Variants in C1orf21 observed in about 807,000 individuals in gnomAD.
C1orf21 encodes chromosome 1 open reading frame 21.
C1orf21 carries 3 observed loss-of-function variants against 18.7 expected under a neutral mutation model. The ratio of observed to expected loss-of-function variants is 0.16; its 90% CI spans 0.07 to 0.42. C1orf21 has a LOEUF of 0.42. Among genes scored for constraint, C1orf21 ranks in the 10% least tolerant of loss-of-function variants. The pLI is 0.99. For missense variants in C1orf21, 104 were observed against 143.6 expected (o/e 0.72, Z 1.41); for synonymous variants, 41 against 46.4 (o/e 0.88, Z 0.47).
chr1:184,591,883 G>T (rs186774769), intron 4 of C1orf21, among the ~76,000 whole-genome samples: 58 of 152,130 alleles, frequency 3.8e-4, no homozygotes, highest in African/African-American at 1.3e-3. Context: ...ATACATCAGT[G>T]AAAATTAGTG....
At chr1:184,571,645 T>C (rs1468443800) in intron 3 of C1orf21, among the ~76,000 whole-genome samples, 5 of 152,170 alleles carry the variant, frequency 3.3e-5, no homozygotes, top group Non-Finnish European at 5.9e-5. Flanking sequence ...CTGTTTATCA[T>C]CTATGGCCAT....
intron 1 of C1orf21, among the ~76,000 whole-genome samples, chr1:184,421,475 A>G (rs1656546690): frequency 6.6e-6 from 1 of 152,240 alleles, no homozygotes; most frequent in Non-Finnish European, 1.5e-5. Flanking sequence ...AGGCTTTAAA[A>G]CAAAACAACA....
chr1:184,505,306 AATATATATATATATATATATAT>A (rs59445875), intron 2 of C1orf21, among the ~76,000 whole-genome samples: 3 of 66,776 alleles, frequency 4.5e-5, no homozygotes, highest in Admixed American at 3.9e-4. Flanking sequence ...TACATAAAGA[AATATATATATATATATATATAT>A]ATATATATAT....
At chr1:184,543,527 A>G (rs188074959) in intron 3 of C1orf21, among the ~76,000 whole-genome samples, 197 of 152,194 alleles carry the variant, frequency 1.3e-3, no homozygotes, top group African/African-American at 4.5e-3. Flanking sequence ...ATCTAAAACT[A>G]TTTGTCTTGG....
At chr1:184,485,119 T>G (rs944287634) in intron 2 of C1orf21, among the ~76,000 whole-genome samples, 7 of 152,210 alleles carry the variant, frequency 4.6e-5, no homozygotes, top group African/African-American at 1.7e-4. Context: ...TACCTGTGTT[T>G]GTGGACAGTA....
chr1:184,596,675 G>C (rs1659517819), intron 4 of C1orf21, among the ~76,000 whole-genome samples: 2 of 152,220 alleles, frequency 1.3e-5, no homozygotes, highest in African/African-American at 4.8e-5. Flanking sequence ...TTCAAGACTA[G>C]CCTGGCCAAC....
chr1:184,528,632 A>G (rs1658413248), intron 3 of C1orf21, among the ~76,000 whole-genome samples: 1 of 152,082 alleles, frequency 6.6e-6, no homozygotes, highest in African/African-American at 2.4e-5. Context: ...TTTAGTAGAG[A>G]CAAGGTTTCA....
chr1:184,476,010 A>G (rs913925066), intron 1 of C1orf21, among the ~76,000 whole-genome samples: 1 of 152,208 alleles, frequency 6.6e-6, no homozygotes, highest in African/African-American at 2.4e-5. Context: ...GTCATTGTCA[A>G]TATTTATGGC....
At chr1:184,408,626 T>C (rs1325026083) in intron 1 of C1orf21, among the ~76,000 whole-genome samples, 2 of 152,208 alleles carry the variant, frequency 1.3e-5, no homozygotes, top group African/African-American at 4.8e-5. Context: ...GCCTGGAGCT[T>C]TGTTTGCTAA....
intron 1 of C1orf21, among the ~76,000 whole-genome samples, chr1:184,450,657 T>G (rs1314222453): frequency 6.6e-6 from 1 of 152,186 alleles, no homozygotes; most frequent in African/African-American, 2.4e-5. Flanking sequence ...AATTGCCTCT[T>G]TTGCTTTAAC....
intron 3 of C1orf21, among the ~76,000 whole-genome samples, chr1:184,513,144 C>G (rs1027496398): frequency 6.6e-6 from 1 of 152,098 alleles, no homozygotes; most frequent in Non-Finnish European, 1.5e-5. Flanking sequence ...GAAACCAGTT[C>G]CTGGTGTCAA....
At chr1:184,480,564 T>C (rs745438315) in intron 2 of C1orf21, among the ~76,000 whole-genome samples, 94 of 152,218 alleles carry the variant, frequency 6.2e-4, no homozygotes, top group Non-Finnish European at 1.2e-3. Flanking sequence ...TAGCATCTGA[T>C]AAAGGAGCTT....
intron 5 of C1orf21, among the ~76,000 whole-genome samples, chr1:184,599,883 A>G (rs968385573): frequency 6.6e-6 from 1 of 152,240 alleles, no homozygotes; most frequent in African/African-American, 2.4e-5. Flanking sequence ...GTAAGTATAT[A>G]TAACACAGAT....
At chr1:184,470,314 A>G (rs937066057) in intron 1 of C1orf21, among the ~76,000 whole-genome samples, 1 of 152,172 alleles carries the variant, frequency 6.6e-6, no homozygotes, top group Non-Finnish European at 1.5e-5. Flanking sequence ...CCTTGCATAT[A>G]TAAGTGCTTT....
intron 1 of C1orf21, among the ~76,000 whole-genome samples, chr1:184,409,652 T>C (rs986614174): frequency 4.6e-5 from 7 of 152,200 alleles, no homozygotes; most frequent in South Asian, 2.1e-4. Context: ...GCTCATCTGC[T>C]ACCCAGCACA....
rs189247602 is a variant in C1orf21, at chr1:184,505,187, C to G, written c.95-2401C>G. ...ATCTCCTCCCTAGGAGAAACCTTCA[C>G]TACACAGTGGGCAAGGGGCCATCTG... On this transcript the variant is annotated intron_variant, in intron 2 of 5. Coordinates refer to ENST00000235307, the MANE Select transcript of C1orf21 (RefSeq NM_030806.4). 1.0e-3 allele frequency among the ~76,000 whole-genome samples: 156 copies of G among 151,668 alleles called. 1 individual carries two copies. The highest frequency in any genetic ancestry group is 1.5e-3 in the Non-Finnish European group (104 of 67,908).
At chr1:184,529,253 T>C (rs1658422055) in intron 3 of C1orf21, among the ~76,000 whole-genome samples, 1 of 152,224 alleles carries the variant, frequency 6.6e-6, no homozygotes, top group South Asian at 2.1e-4. Flanking sequence ...GTAACATTTC[T>C]TGAGTGTTTA....
At chr1:184,421,586 G>T (rs763721830) in intron 1 of C1orf21, among the ~76,000 whole-genome samples, 2 of 152,168 alleles carry the variant, frequency 1.3e-5, no homozygotes, top group Non-Finnish European at 2.9e-5. Flanking sequence ...AGCTTTACAG[G>T]AAACCAAGAA....
chr1:184,562,598 A>T (rs1204745103), intron 3 of C1orf21, among the ~76,000 whole-genome samples: 1 of 152,248 alleles, frequency 6.6e-6, no homozygotes. Flanking sequence ...AATTAAGGCA[A>T]CATAGTGATA....
Sources: allele counts gnomAD v4.1 joint callset (sites outside exome capture counted in the v4.1 genomes callset), GRCh38; gene constraint gnomAD v4.1.1; transcripts MANE v1.5; gene names NCBI Gene and HGNC (gene_info 2026-07-23, HGNC 2026-07-21).